Variants in CIMIP5 observed in about 807,000 individuals in gnomAD.
The protein encoded by CIMIP5 is uncharacterized protein C2orf50.
chr2:11,141,789 C>T, the CIMIP5 span, among the ~76,000 whole-genome samples: 1 of 152,058 alleles, frequency 6.6e-6, no homozygotes, highest in East Asian at 1.9e-4. Flanking sequence ...GCCTGGGCAA[C>T]ATAGGGAGAC....
the CIMIP5 span, chr2:11,145,692 T>A: frequency 6.6e-6 from 1 of 152,024 alleles, no homozygotes; most frequent in African/African-American, 2.4e-5. Context: ...ACACTCCAGG[T>A]ATTGGCTTGT....
At chr2:11,136,430 T>G in the CIMIP5 span, among the ~76,000 whole-genome samples, 30 of 152,244 alleles carry the variant, frequency 2.0e-4, no homozygotes, top group African/African-American at 5.8e-4. Flanking sequence ...TCAGCTTGAA[T>G]AATTAATAAG....
the CIMIP5 span, among the ~76,000 whole-genome samples, chr2:11,149,715 T>A: frequency 6.6e-6 from 1 of 150,612 alleles, no homozygotes. Context: ...TCAAAAAAAA[T>A]TAATTAATTA....
chr2:11,152,444 G>C, the CIMIP5 span, among the ~76,000 whole-genome samples: 1 of 152,136 alleles, frequency 6.6e-6, no homozygotes, highest in Non-Finnish European at 1.5e-5. Flanking sequence ...AGCAAGATGG[G>C]GTCAGTTAGG....
At chr2:11,134,410 G>A in the CIMIP5 span, among the ~76,000 whole-genome samples, 5 of 152,158 alleles carry the variant, frequency 3.3e-5, no homozygotes, top group African/African-American at 1.2e-4. Context: ...TTTTAAGTGA[G>A]CAGCCTGATA....
the CIMIP5 span, among the ~76,000 whole-genome samples, chr2:11,141,335 G>A: frequency 6.6e-6 from 1 of 151,874 alleles, no homozygotes; most frequent in African/African-American, 2.4e-5. Flanking sequence ...CACTATGTTA[G>A]CCAGGCTGGT....
At chr2:11,146,264 G>C in the CIMIP5 span, among the ~76,000 whole-genome samples, 3 of 152,190 alleles carry the variant, frequency 2.0e-5, no homozygotes, top group Non-Finnish European at 4.4e-5. Flanking sequence ...AAAGCGCAGA[G>C]AGGTTAAGTC....
the CIMIP5 span, chr2:11,133,429 C>T: frequency 6.2e-7 from 1 of 1,610,742 alleles, no homozygotes; most frequent in South Asian, 1.1e-5. Flanking sequence ...TCCCCAGCTG[C>T]CCGGGGTGGC....
chr2:11,153,087 A>G, the CIMIP5 span, among the ~76,000 whole-genome samples: 1 of 152,212 alleles, frequency 6.6e-6, no homozygotes, highest in Non-Finnish European at 1.5e-5. Context: ...TGCAGCCTGT[A>G]GGGGCCAATG....
the CIMIP5 span, among the ~76,000 whole-genome samples, chr2:11,142,583 T>C: frequency 1.1e-4 from 17 of 152,176 alleles, no homozygotes; most frequent in Admixed American, 2.0e-4. Context: ...CACCTCGGCA[T>C]GGACTTTGCC....
the CIMIP5 span, chr2:11,144,605 A>G: frequency 0.1 from 15,560 of 152,290 alleles, 2,103 homozygotes; most frequent in African/African-American, 0.31. Context: ...CAACTCTGAC[A>G]TGGGTGACAT....
chr2:11,137,086 CAA>C, the CIMIP5 span, among the ~76,000 whole-genome samples: 65 of 152,256 alleles, frequency 4.3e-4, no homozygotes, highest in Middle Eastern at 6.8e-3. Flanking sequence ...AAAAATGAAA[CAA>C]GAGGTCGGGC....
At chr2:11,149,359 G>A in the CIMIP5 span, among the ~76,000 whole-genome samples, 5 of 151,926 alleles carry the variant, frequency 3.3e-5, no homozygotes, top group Admixed American at 1.3e-4. Context: ...GAAACTCCTG[G>A]CAAACCCAAA....
At chr2:11,152,651 G>A in the CIMIP5 span, among the ~76,000 whole-genome samples, 1 of 152,010 alleles carries the variant, frequency 6.6e-6, no homozygotes, top group Non-Finnish European at 1.5e-5. Context: ...TCTAACATGG[G>A]GGCACTATCT....
At chr2:11,149,344 A>G in the CIMIP5 span, among the ~76,000 whole-genome samples, 133 of 152,042 alleles carry the variant, frequency 8.7e-4, no homozygotes, top group Non-Finnish European at 1.3e-3. Flanking sequence ...GAATATAATC[A>G]GGAAGAAACT....
the CIMIP5 span, among the ~76,000 whole-genome samples, chr2:11,135,667 GTTT>G: frequency 0.011 from 1,609 of 141,914 alleles, 46 homozygotes; most frequent in African/African-American, 0.039. Flanking sequence ...GGTTTTTTTG[GTTT>G]TTTTTTTTTT....
chr2:11,154,254 G>T, the CIMIP5 span, among the ~76,000 whole-genome samples: 1 of 152,144 alleles, frequency 6.6e-6, no homozygotes, highest in Non-Finnish European at 1.5e-5. Flanking sequence ...GATCAGTATC[G>T]ATCTAGCCAG....
the CIMIP5 span, among the ~76,000 whole-genome samples, chr2:11,150,818 G>T: frequency 1.3e-5 from 2 of 151,632 alleles, no homozygotes; most frequent in Admixed American, 1.3e-4. Flanking sequence ...TTGCCCACAA[G>T]GAAATTCCTT....
chr2:11,142,266 CA>C, the CIMIP5 span, among the ~76,000 whole-genome samples: 4,994 of 84,586 alleles, frequency 0.059, 281 homozygotes, highest in African/African-American at 0.18. Flanking sequence ...AATTCAGTCT[CA>C]AAAAAAAAAA....
Sources: allele counts gnomAD v4.1 joint callset (sites outside exome capture counted in the v4.1 genomes callset), GRCh38; gene constraint gnomAD v4.1.1; transcripts MANE v1.5; gene names NCBI Gene and HGNC (gene_info 2026-07-23, HGNC 2026-07-21).